Variants in FAM222B observed in about 807,000 individuals in gnomAD.
The protein encoded by FAM222B is family with sequence similarity 222 member B.
FAM222B carries 12 observed loss-of-function variants against 38.0 expected under a neutral mutation model. That is an observed-to-expected ratio of 0.32 (90% CI 0.20 to 0.51). The LOEUF (loss-of-function observed/expected upper bound fraction) is 0.51, where lower values mean the gene tolerates loss of function less well. Among genes scored for constraint, FAM222B ranks in the 20% least tolerant of loss-of-function variants. FAM222B has a pLI of 0.97. For missense variants in FAM222B, 716 were observed against 754.2 expected, an observed-to-expected ratio of 0.95 and a Z score of 0.59; for synonymous variants, 329 against 317.2, an observed-to-expected ratio of 1.04 and a Z score of -0.40.
At chr17:28,840,609 G>C (rs1257403822) in intron 1 of FAM222B, among the ~76,000 whole-genome samples, 1 of 152,028 alleles carries the variant, frequency 6.6e-6, no homozygotes, top group Non-Finnish European at 1.5e-5. Flanking sequence ...ACAGCGACAG[G>C]TCCCCGGAGC....
At chr17:28,840,070 T>C (rs1567908695) in intron 1 of FAM222B, among the ~76,000 whole-genome samples, 3 of 152,122 alleles carry the variant, frequency 2.0e-5, no homozygotes, top group African/African-American at 7.2e-5. Flanking sequence ...GGAGTCTGCA[T>C]CTCTACTTTA....
At chr17:28,778,632 T>C (rs1343323074) in intron 1 of FAM222B, among the ~76,000 whole-genome samples, 1 of 141,908 alleles carries the variant, frequency 7.0e-6, no homozygotes, top group Non-Finnish European at 1.5e-5. Context: ...GCTTCCTGAG[T>C]AGCTGGGACT....
At position 28,769,153 on chromosome 17, in the gene FAM222B, C is replaced by G. The variant is rs2035487761; in HGVS notation, c.-40-2446G>C. Among the ~76,000 whole-genome samples the G allele has an allele frequency of 2.1e-5, 3 of 145,730 alleles. No individual in the cohort carries two copies. The Admixed American group carries it at 2.1e-4, about 10-fold the overall frequency. On this transcript the variant is annotated intron_variant, in intron 1 of 2. Transcript: ENST00000581407. Reference sequence around the variant, plus strand: ...CTTACCCTTTATCACCCAATCTATTCTCTATTCAGCAATGTTAGTTCTTTT... The same window carrying G: ...CTTACCCTTTATCACCCAATCTATTGTCTATTCAGCAATGTTAGTTCTTTT...
chr17:28,828,095 A>ATTTTTT lies in FAM222B; in HGVS notation c.-41+14581_-41+14586dup, dbSNP rs528492764. Among the ~76,000 whole-genome samples, 41 of 74,690 alleles carry ATTTTTT rather than the reference A, an allele frequency of 5.5e-4. 2 individuals carry two copies. Among genetic ancestry groups the ATTTTTT allele is most frequent in the African/African-American group, 1.2e-3 (18 of 14,660 alleles). The allele number at this position is 74,690 out of a possible 152,430, so 49.0% of individuals were successfully genotyped here. On this transcript the variant is annotated intron_variant, in intron 1 of 2. Transcript: ENST00000581407. ...TAAGGAGAAATCAAGATCAAATCCA[A>ATTTTTT]TTTTTTTTTTTTTTTTTTTTTTTTT...
chr17:28,815,511 G>A (rs540911772), intron 1 of FAM222B, among the ~76,000 whole-genome samples: 2 of 151,110 alleles, frequency 1.3e-5, no homozygotes, highest in East Asian at 4.0e-4. Context: ...ACCGTGCCCG[G>A]CCTTTATTAC....
chr17:28,769,662 T>C (rs2151796650), intron 1 of FAM222B, among the ~76,000 whole-genome samples: 1 of 152,300 alleles, frequency 6.6e-6, no homozygotes, highest in East Asian at 1.9e-4. Context: ...AAGAATAAAA[T>C]ACAAAATCCT....
At chr17:28,841,027 G>A (rs1019868646) in intron 1 of FAM222B, among the ~76,000 whole-genome samples, 1 of 152,058 alleles carries the variant, frequency 6.6e-6, no homozygotes, top group Admixed American at 6.6e-5. Context: ...AGGCACGGTG[G>A]CTCACGCCTG....
At chr17:28,762,392 C>T (rs2035118105) in intron 2 of FAM222B, among the ~76,000 whole-genome samples, 1 of 152,038 alleles carries the variant, frequency 6.6e-6, no homozygotes. Flanking sequence ...CTTTGGGAGG[C>T]CGAGGCGGGT....
rs58500914 is a variant in FAM222B at position 28,840,171 on chromosome 17, A to G, written c.-41+2511T>C. ...CAGGCGGATCACCTGGTTCGAAACCAGCCTGACCAAAATGGCGAAACCCCA... is the reference window on the plus strand; with the variant it reads ...CAGGCGGATCACCTGGTTCGAAACCGGCCTGACCAAAATGGCGAAACCCCA... On this transcript the variant is annotated intron_variant, in intron 1 of 2. Transcript: ENST00000581407. Among the ~76,000 whole-genome samples, 16 of 151,926 alleles carry G rather than the reference A, an allele frequency of 1.1e-4. No individual in the cohort carries two copies. In the East Asian group the frequency reaches 1.4e-3, roughly 13 times the overall value.
intron 2 of FAM222B, among the ~76,000 whole-genome samples, chr17:28,764,119 G>A (rs972369004): frequency 2.0e-5 from 3 of 151,970 alleles, no homozygotes; most frequent in Non-Finnish European, 2.9e-5. Context: ...TTAGGATTAA[G>A]AAAGAAAAAA....
At chr17:28,796,085 G>C (rs1460613517) in intron 1 of FAM222B, among the ~76,000 whole-genome samples, 1 of 152,192 alleles carries the variant, frequency 6.6e-6, no homozygotes, top group African/African-American at 2.4e-5. Flanking sequence ...AACTGCAGTG[G>C]AGTGAGGGTG....
chr17:28,831,753 G>A (rs184579742), intron 1 of FAM222B, among the ~76,000 whole-genome samples: 2 of 151,520 alleles, frequency 1.3e-5, no homozygotes, highest in Admixed American at 6.6e-5. Flanking sequence ...CTAGGCTCAA[G>A]CAATACACCC....
intron 1 of FAM222B, among the ~76,000 whole-genome samples, chr17:28,821,823 G>A (rs1221681463): frequency 2.0e-5 from 3 of 151,854 alleles, no homozygotes; most frequent in Admixed American, 1.3e-4. Flanking sequence ...TTAGCTGGGC[G>A]TGGTGGCGCA....
chr17:28,789,994 T>C (rs2036590985), intron 1 of FAM222B, among the ~76,000 whole-genome samples: 1 of 152,180 alleles, frequency 6.6e-6, no homozygotes, highest in African/African-American at 2.4e-5. Flanking sequence ...CTGTAAGGTG[T>C]TAGTTTGGGG....
At chr17:28,778,717 ATATTTT>A (rs1567818999) in intron 1 of FAM222B, among the ~76,000 whole-genome samples, 1 of 58,384 alleles carries the variant, frequency 1.7e-5, no homozygotes, top group African/African-American at 8.3e-5. Context: ...ATATATATAT[ATATTTT>A]TTTTTTTTTT....
intron 1 of FAM222B, among the ~76,000 whole-genome samples, chr17:28,788,534 C>T (rs1428013094): frequency 6.6e-6 from 1 of 152,050 alleles, no homozygotes; most frequent in Non-Finnish European, 1.5e-5. Context: ...CCACCGCGTC[C>T]GGCCTCAGTA....
chr17:28,843,960 T>A (rs1322375498), upstream of FAM222B, among the ~76,000 whole-genome samples: 1 of 152,208 alleles, frequency 6.6e-6, no homozygotes, highest in Non-Finnish European at 1.5e-5. Context: ...GACAGAAATG[T>A]TCTAGGCATC....
chr17:28,801,451 CA>C (rs766189732), intron 1 of FAM222B, among the ~76,000 whole-genome samples: 4,068 of 90,244 alleles, frequency 0.045, 30 homozygotes, highest in Middle Eastern at 0.092. Flanking sequence ...GACTCCGTCT[CA>C]AAAAAAAAAA....
Position 28,758,828 on chromosome 17 carries a change from G to C in FAM222B, c.1131C>G (p.Cys377Trp), listed in dbSNP as rs1338133707. 6.3e-7 allele frequency: 1 copy of C among 1,596,082 alleles called. No individual in the cohort carries two copies. Among genetic ancestry groups the C allele is most frequent in the African/African-American group, 1.3e-5 (1 of 74,692 alleles). Residue 377 changes from cysteine (C) to tryptophan (W), a missense_variant, in exon 3 of 3, where the codon TGC (cysteine) becomes TGG (tryptophan). By Grantham distance (215) the Cys-to-Trp change is radical. Coordinates refer to ENST00000581407, the MANE Select transcript of FAM222B (RefSeq NM_001077498.3). ...GGGCTGGCGTCCCACTAGCCTCGCT[G>C]CACATCTGCTGTAGGTGGGCCAGCT... ...QHQLAHLQQM[C>W]SEASGTPAPG...
Sources: allele counts gnomAD v4.1 joint callset (sites outside exome capture counted in the v4.1 genomes callset), GRCh38; gene constraint gnomAD v4.1.1; transcripts MANE v1.5; gene names NCBI Gene and HGNC (gene_info 2026-07-23, HGNC 2026-07-21).